Variants in DMTN observed in about 807,000 individuals in gnomAD.
The protein encoded by DMTN is dematin.
In DMTN, 27 loss-of-function variants were observed where a neutral mutation model predicts 59.4. That is an observed-to-expected ratio of 0.45 (90% CI 0.33 to 0.63). The LOEUF is 0.63. DMTN is among the 20% of genes least tolerant of loss of function. DMTN has a pLI of 0.02. For missense variants in DMTN, 451 were observed against 528.9 expected, an observed-to-expected ratio of 0.85 and a Z score of 1.45; for synonymous variants, 221 against 203.7, an observed-to-expected ratio of 1.08 and a Z score of -0.72.
Position 22,058,298 on chromosome 8 carries a change from A to G in DMTN, c.-172+1162A>G, listed in dbSNP as rs1318958706. 6.6e-6 allele frequency among the ~76,000 whole-genome samples: 1 copy of G among 152,116 alleles called. No individual in the cohort carries two copies. Among genetic ancestry groups the G allele is most frequent in the East Asian group, 1.9e-4 (1 of 5,174 alleles). ...TGGATGTCTGCAGAATCCCTCTCCT[A>G]GAGCTCCTGGGTGTTGTGGGACTGG... On this transcript the variant is annotated intron_variant, in intron 1 of 15. Transcript: ENST00000358242. This position sits in a 1 kb window ranked among gnomAD's most constrained non-coding sequence, Gnocchi z 4.3.
chr8:22,056,689 A>G (rs575464733), upstream of DMTN, among the ~76,000 whole-genome samples: 4 of 149,890 alleles, frequency 2.7e-5, no homozygotes, highest in South Asian at 8.3e-4. Flanking sequence ...ATTGAGCTGC[A>G]GCGCTGGTGG....
At chr8:22,066,576 G>T (rs879269390) in intron 1 of DMTN, 129 bp from the exon 2 acceptor site, 8 of 288,658 alleles carry the variant, frequency 2.8e-5, no homozygotes, top group African/African-American at 4.4e-5. Flanking sequence ...GTCCACGCGC[G>T]CGTTCTCCGG....
chr8:22,076,429 A>T (rs907147735), intron 10 of DMTN, among the ~76,000 whole-genome samples: 1 of 152,060 alleles, frequency 6.6e-6, no homozygotes, highest in South Asian at 2.1e-4. Context: ...ACGTAGTGAG[A>T]CACTGTCTCT....
At chr8:22,073,149 C>G (rs191194059) in intron 9 of DMTN, among the ~76,000 whole-genome samples, 1 of 152,134 alleles carries the variant, frequency 6.6e-6, no homozygotes, top group Non-Finnish European at 1.5e-5. Context: ...ACAGGGAGGC[C>G]GCCGTGGTAG....
At chr8:22,050,487 T>C (rs1359768107), upstream of DMTN, among the ~76,000 whole-genome samples, 6 of 151,722 alleles carry the variant, frequency 4.0e-5, no homozygotes, top group Admixed American at 2.6e-4. Context: ...GACGGGGCCC[T>C]TTGTCTTGCC....
chr8:22,057,668 C>T (rs1334301713), intron 1 of DMTN, among the ~76,000 whole-genome samples: 1 of 152,144 alleles, frequency 6.6e-6, no homozygotes. Flanking sequence ...GAGGCTGTGG[C>T]AGGGCGCAGC....
chr8:22,066,744 C>A lies in DMTN; in HGVS notation c.-132C>A. 9.6e-7 allele frequency: 1 copy of A among 1,046,892 alleles called. No homozygotes were observed. Among genetic ancestry groups the A allele is most frequent in the Admixed American group, 4.1e-5 (1 of 24,222 alleles). The allele number at this position is 1,046,892 out of a possible 1,614,324, so 64.9% of individuals were successfully genotyped here. On this transcript the variant is annotated 5_prime_UTR_variant, in exon 2 of 16. Transcript: ENST00000358242. ...GCCGAGGGATGAGGACGCGCCAGCCCGGGGGAACGCGCCAGCTGCTTTCGC... is the reference window on the plus strand; with the variant it reads ...GCCGAGGGATGAGGACGCGCCAGCCAGGGGGAACGCGCCAGCTGCTTTCGC...
In DMTN at chr8:22,080,883, G is replaced by A. The variant is rs2131597206; in HGVS notation, c.1023+13G>A. ...GCTGGAGCAGAAGGTGAGGGGCAGG[G>A]GACACAAGCGCCTGTAGCGGGGCGG... is the stretch of plus-strand genomic sequence containing the variant. On this transcript the variant is annotated intron_variant, in intron 14 of 15. Transcript: ENST00000358242. 6.4e-7 allele frequency: 1 copy of A among 1,556,148 alleles called. No homozygotes were observed. Among genetic ancestry groups the A allele is most frequent in the South Asian group, 1.2e-5 (1 of 81,486 alleles).
chr8:22,080,958 G>C, intron 14 of DMTN, 88 bp downstream of exon 14: 1 of 1,504,278 alleles, frequency 6.6e-7, no homozygotes, highest in Non-Finnish European at 9.0e-7. Context: ...GGTCTTCCTG[G>C]TGTTGAAGAT....
At chr8:22,073,935 C>T (rs1183603463) in intron 10 of DMTN, 100 bp downstream of exon 10, 1 of 921,170 alleles carries the variant, frequency 1.1e-6, no homozygotes, top group African/African-American at 1.6e-5. Context: ...CAATCCCTGA[C>T]CCAAAGCACG....
chr8:22,071,930 G>A (rs1815862964), intron 8 of DMTN, among the ~76,000 whole-genome samples: 1 of 151,826 alleles, frequency 6.6e-6, no homozygotes, highest in Non-Finnish European at 1.5e-5. Flanking sequence ...ATCTCACTCT[G>A]TTGCCCAGGA....
intron 7 of DMTN, 95 bp downstream of exon 7, chr8:22,070,032 A>G: frequency 6.4e-7 from 1 of 1,571,936 alleles, no homozygotes; most frequent in Non-Finnish European, 8.7e-7. Flanking sequence ...GGTCGGGAGG[A>G]TAGCATGTCA....
chr8:22,067,237 T>G (rs1308572868), intron 3 of DMTN, 78 bp downstream of exon 3: 2 of 1,462,100 alleles, frequency 1.4e-6, no homozygotes, highest in Admixed American at 4.0e-5. Context: ...CTAGCGTGCC[T>G]TCCCGCAGAG....
At chr8:22,076,550 C>T (rs114993747) in intron 10 of DMTN, among the ~76,000 whole-genome samples, 3,354 of 151,656 alleles carry the variant, frequency 0.022, 108 homozygotes, top group African/African-American at 0.072. Flanking sequence ...ACCTGGGTGA[C>T]AGAGTGGGAT....
intron 8 of DMTN, among the ~76,000 whole-genome samples, chr8:22,071,289 G>A (rs1815273053): frequency 6.7e-6 from 1 of 149,282 alleles, no homozygotes; most frequent in South Asian, 2.1e-4. Flanking sequence ...GTAGATATGG[G>A]TTTTCATTAT....
chr8:22,049,175 G>A (rs905128961), upstream of DMTN: 6 of 149,500 alleles, frequency 4.0e-5, no homozygotes, highest in Non-Finnish European at 7.5e-5. Context: ...AGCCCGGGCG[G>A]CCCGCGGACG....
chr8:22,064,989 AT>A (rs1215982096), intron 1 of DMTN, among the ~76,000 whole-genome samples: 3 of 152,194 alleles, frequency 2.0e-5, no homozygotes, highest in African/African-American at 7.2e-5. Context: ...TGTTGGGGCA[AT>A]GAAACAAAAT....
chr8:22,082,274 C>G lies in DMTN; in HGVS notation c.*811C>G, dbSNP rs200424061. ...TCTCACCTACACCCACGCACCCCCCCACACACTATGCTCTCTCAAGAATGT... is the reference window on the plus strand; with the variant it reads ...TCTCACCTACACCCACGCACCCCCCGACACACTATGCTCTCTCAAGAATGT... On this transcript the variant is annotated 3_prime_UTR_variant, in exon 16 of 16. Transcript: ENST00000358242. 2.2e-6 allele frequency: 1 copy of G among 456,832 alleles called. No homozygotes were observed. Among genetic ancestry groups the G allele is most frequent in the East Asian group, 6.9e-5 (1 of 14,400 alleles). 28.3% of individuals were successfully genotyped at this position (456,832 alleles called of 1,614,324 possible). A position where few individuals can be genotyped will look rare whatever the true frequency, so the allele number is the denominator to read the frequency against.
Position 22,076,602 on chromosome 8 carries a change from G to GTA in DMTN, c.835+2777_835+2778dup, listed in dbSNP as rs976917367. Among the ~76,000 whole-genome samples, 11 of 150,740 alleles carry GTA rather than the reference G, an allele frequency of 7.3e-5. No homozygotes were observed. In the East Asian group the frequency reaches 7.8e-4, roughly 11 times the overall value. ...TATATATATGTATATATGTGTGTGT[G>GTA]TATATATATATGTCACTATATATAT... On this transcript the variant is annotated intron_variant, in intron 10 of 15. Coordinates refer to ENST00000358242, the MANE Select transcript of DMTN (RefSeq NM_001387751.1).
Sources: gnomAD v4.1 joint callset for allele counts (sites outside exome capture counted in the v4.1 genomes callset) on GRCh38, gnomAD v4.1.1 for gene constraint, Gnocchi (gnomAD v3.1) non-coding constraint, MANE v1.5 for transcripts, NCBI Gene and HGNC (gene_info 2026-07-23, HGNC 2026-07-21) for gene names.